The following FGF14 variants were observed in gnomAD, a reference collection of about 807,000 sequenced individuals.
The protein encoded by FGF14 is fibroblast growth factor homologous factor 4.
A neutral mutation model predicts 25.5 loss-of-function variants in FGF14; 5 were observed. The observed-to-expected ratio is 0.20, with a 90% CI of 0.10 to 0.41. The LOEUF is 0.41. Among genes scored for constraint, FGF14 ranks in the 10% least tolerant of loss-of-function variants. The pLI is 1.00. For synonymous variants in FGF14, 138 were observed against 118.3 expected (o/e 1.17, Z -1.08); for missense variants, 222 against 320.1 (o/e 0.69, Z 2.34).
In FGF14 at chr13:101,722,754, G is replaced by A. The variant is rs2035076963; in HGVS notation, c.*77C>T. 1.9e-6 allele frequency: 3 copies of A among 1,588,844 alleles called. No individual in the cohort carries two copies. Among genetic ancestry groups the A allele is most frequent in the Admixed American group, 1.7e-5 (1 of 59,662 alleles). ...TACTTCCTGCTGCTCTTCAGCCACG[G>A]AGCAGGAATGTCTGGTGAGGATAAA... is the stretch of plus-strand genomic sequence containing the variant. On this transcript the variant is annotated 3_prime_UTR_variant, in exon 5 of 5. Coordinates refer to ENST00000376143, the MANE Select transcript of FGF14 (RefSeq NM_004115.4).
chr13:102,333,674 C>T (rs574471666), intron 1 of FGF14, among the ~76,000 whole-genome samples: 3 of 152,312 alleles, frequency 2.0e-5, no homozygotes, highest in Admixed American at 2.0e-4. Flanking sequence ...ATACTGAACT[C>T]ATTCAGAAAG....
chr13:101,947,206 C>G (rs2139362334), intron 1 of FGF14, among the ~76,000 whole-genome samples: 1 of 152,206 alleles, frequency 6.6e-6, no homozygotes, highest in East Asian at 1.9e-4. Context: ...GGCTGCAGAG[C>G]AAAAGGAATG....
chr13:102,341,244 T>C (rs1473594601), intron 1 of FGF14, among the ~76,000 whole-genome samples: 1 of 152,202 alleles, frequency 6.6e-6, no homozygotes, highest in African/African-American at 2.4e-5. Flanking sequence ...AAAATGCTTT[T>C]ATATGAGACT....
intron 3 of FGF14, among the ~76,000 whole-genome samples, chr13:101,732,738 T>C (rs975509066): frequency 8.5e-5 from 13 of 152,336 alleles, no homozygotes; most frequent in African/African-American, 2.6e-4. Flanking sequence ...CAACGAGAAA[T>C]TGAGTTTGAA....
intron 1 of FGF14, among the ~76,000 whole-genome samples, chr13:102,041,312 T>C (rs1260215830): frequency 6.6e-6 from 1 of 152,136 alleles, no homozygotes; most frequent in African/African-American, 2.4e-5. Context: ...AAACTATATG[T>C]TGTAAAGTTA....
At chr13:101,826,092 C>A (rs923318406) in intron 3 of FGF14, among the ~76,000 whole-genome samples, 1 of 152,010 alleles carries the variant, frequency 6.6e-6, no homozygotes, top group African/African-American at 2.4e-5. Flanking sequence ...TCATTTTAAG[C>A]CTCTATTGCC....
intron 1 of FGF14, among the ~76,000 whole-genome samples, chr13:101,945,042 G>A (rs1313651254): frequency 6.6e-6 from 1 of 152,172 alleles, no homozygotes; most frequent in Non-Finnish European, 1.5e-5. Flanking sequence ...CAGGCCAGGC[G>A]CGGTGGCTCA....
At chr13:101,924,819 A>T (rs2034257250) in intron 1 of FGF14, among the ~76,000 whole-genome samples, 1 of 152,178 alleles carries the variant, frequency 6.6e-6, no homozygotes, top group Admixed American at 6.5e-5. Context: ...CTTTTCTATC[A>T]CACTATCTGC....
At chr13:102,051,988 A>G (rs1449802945) in intron 1 of FGF14, among the ~76,000 whole-genome samples, 3 of 152,220 alleles carry the variant, frequency 2.0e-5, no homozygotes, top group Admixed American at 1.3e-4. Flanking sequence ...GAACTTCAAG[A>G]AAATAGAGAA....
intron 1 of FGF14, among the ~76,000 whole-genome samples, chr13:102,374,389 T>C (rs2057973089): frequency 1.3e-5 from 2 of 151,592 alleles, no homozygotes; most frequent in African/African-American, 4.8e-5. Context: ...GTCAGATTTT[T>C]TTGGAACTTA....
chr13:102,177,533 C>T (rs1166562208), intron 1 of FGF14, among the ~76,000 whole-genome samples: 1 of 152,112 alleles, frequency 6.6e-6, no homozygotes, highest in Non-Finnish European at 1.5e-5. Flanking sequence ...TGTTACTTTT[C>T]AGAAATACCA....
At chr13:102,160,182 TA>T (rs1226608458) in intron 1 of FGF14, among the ~76,000 whole-genome samples, 1 of 152,146 alleles carries the variant, frequency 6.6e-6, no homozygotes, top group Non-Finnish European at 1.5e-5. Flanking sequence ...TCCTTGAAGG[TA>T]ATCAAAGACA....
intron 3 of FGF14, among the ~76,000 whole-genome samples, chr13:101,791,791 A>T (rs1594264459): frequency 2.0e-5 from 1 of 48,868 alleles, no homozygotes; most frequent in African/African-American, 4.2e-5. Flanking sequence ...AAATGTGTCT[A>T]AAAAATTTGT....
intron 1 of FGF14, among the ~76,000 whole-genome samples, chr13:102,181,291 C>T (rs950457750): frequency 6.6e-6 from 1 of 152,108 alleles, no homozygotes. Flanking sequence ...ATTATGTTAC[C>T]TGACATGGTA....
chr13:102,141,129 A>G (rs1204986204), intron 1 of FGF14, among the ~76,000 whole-genome samples: 1 of 152,208 alleles, frequency 6.6e-6, no homozygotes, highest in African/African-American at 2.4e-5. Context: ...TCTCTTTATC[A>G]GCACTAGTTT....
chr13:101,836,959 G>T (rs1350659819), intron 3 of FGF14, among the ~76,000 whole-genome samples: 1 of 151,996 alleles, frequency 6.6e-6, no homozygotes, highest in African/African-American at 2.4e-5. Context: ...AATTAGAATT[G>T]ATAGCTGAAG....
chr13:102,333,526 AC>A (rs745309421), intron 1 of FGF14, among the ~76,000 whole-genome samples: 4 of 152,318 alleles, frequency 2.6e-5, no homozygotes, highest in South Asian at 4.1e-4. Flanking sequence ...CATGGATGTT[AC>A]GCAAGAAGAG....
chr13:102,323,176 T>C (rs1594849843), intron 1 of FGF14, among the ~76,000 whole-genome samples: 2 of 152,294 alleles, frequency 1.3e-5, no homozygotes, highest in East Asian at 3.9e-4. Flanking sequence ...TGTGTCAGCA[T>C]TTGACACATC....
At chr13:102,158,038 T>C (rs147183707) in intron 1 of FGF14, among the ~76,000 whole-genome samples, 3 of 152,294 alleles carry the variant, frequency 2.0e-5, no homozygotes, top group African/African-American at 7.2e-5. Context: ...CTGGAGAGGA[T>C]GTGGAGAAAT....
Sources: gnomAD v4.1 joint callset for allele counts (sites outside exome capture counted in the v4.1 genomes callset) on GRCh38, gnomAD v4.1.1 for gene constraint, MANE v1.5 for transcripts, NCBI Gene and HGNC (gene_info 2026-07-23, HGNC 2026-07-21) for gene names.